The following PXDNL variants were observed in gnomAD, a reference collection of about 807,000 sequenced individuals.
PXDNL encodes the protein probable oxidoreductase PXDNL.
In PXDNL, 145 loss-of-function variants were observed where a neutral mutation model predicts 150.8. That is an observed-to-expected ratio of 0.96 (90% CI 0.84 to 1.10). The LOEUF is 1.10. Among genes scored for constraint, PXDNL ranks in the 50% least tolerant of loss-of-function variants. The probability of loss-of-function intolerance (pLI) is 0.00; values close to 1 mark genes in which losing one functional copy is unlikely to be tolerated. For missense variants in PXDNL, 2,087 were observed against 1,873.9 expected (o/e 1.11, Z -2.10); for synonymous variants, 757 against 725.7 (o/e 1.04, Z -0.69).
chr8:51,672,899 T>C (rs1815529489), intron 1 of PXDNL, among the ~76,000 whole-genome samples: 1 of 152,066 alleles, frequency 6.6e-6, no homozygotes, highest in African/African-American at 2.4e-5. Flanking sequence ...TAAGAAAATA[T>C]ATTCCTGATT....
intron 1 of PXDNL, among the ~76,000 whole-genome samples, chr8:51,702,768 T>A (rs1336554259): frequency 6.6e-6 from 1 of 152,150 alleles, no homozygotes; most frequent in African/African-American, 2.4e-5. Flanking sequence ...ACTTAGAGCA[T>A]CAGAATTTGG....
At chr8:51,490,235 T>C (rs1214804498) in intron 5 of PXDNL, among the ~76,000 whole-genome samples, 1 of 152,182 alleles carries the variant, frequency 6.6e-6, no homozygotes, top group Non-Finnish European at 1.5e-5. Context: ...ACAATTATTT[T>C]TGAAGTGGCC....
At chr8:51,430,485 A>C (rs899948743) in intron 12 of PXDNL, among the ~76,000 whole-genome samples, 3 of 152,190 alleles carry the variant, frequency 2.0e-5, no homozygotes, top group African/African-American at 7.2e-5. Context: ...AGACCTTCAG[A>C]GCTTACCTGA....
intron 1 of PXDNL, among the ~76,000 whole-genome samples, chr8:51,746,694 G>A (rs2036987801): frequency 6.6e-6 from 1 of 152,132 alleles, no homozygotes; most frequent in Admixed American, 6.5e-5. Context: ...TCTATTTGTT[G>A]CTTCTTGTGG....
At chr8:51,797,370 G>C (rs931929759) in intron 1 of PXDNL, among the ~76,000 whole-genome samples, 1 of 152,194 alleles carries the variant, frequency 6.6e-6, no homozygotes, top group Non-Finnish European at 1.5e-5. Context: ...AACTGGAAAA[G>C]AGGAAGTCAA....
intron 17 of PXDNL, among the ~76,000 whole-genome samples, chr8:51,406,527 AC>A (rs1465109505): frequency 2.4e-4 from 36 of 152,032 alleles, no homozygotes; most frequent in Admixed American, 2.3e-3. Context: ...CCTCTTTAAA[AC>A]CCGTCCCCTA....
chr8:51,614,017 G>C (rs1197944260), intron 2 of PXDNL, among the ~76,000 whole-genome samples: 1 of 152,166 alleles, frequency 6.6e-6, no homozygotes, highest in Non-Finnish European at 1.5e-5. Flanking sequence ...TGTCGCATTA[G>C]CCTCCCTCCC....
At chr8:51,736,634 G>A (rs563827421) in intron 1 of PXDNL, among the ~76,000 whole-genome samples, 1 of 152,308 alleles carries the variant, frequency 6.6e-6, no homozygotes, top group South Asian at 2.1e-4. Flanking sequence ...ACCTGAAAGT[G>A]TGTCCCTGGC....
At chr8:51,609,373 T>C (rs1037214502) in intron 2 of PXDNL, among the ~76,000 whole-genome samples, 1 of 152,150 alleles carries the variant, frequency 6.6e-6, no homozygotes, top group Non-Finnish European at 1.5e-5. Flanking sequence ...CCTGGAAATA[T>C]GGGATTGTCC....
intron 4 of PXDNL, among the ~76,000 whole-genome samples, chr8:51,532,018 A>T (rs1811917148): frequency 1.3e-5 from 2 of 152,238 alleles, no homozygotes; most frequent in Admixed American, 1.3e-4. Context: ...AACAGCTTGC[A>T]AATCGTTGTG....
intron 2 of PXDNL, among the ~76,000 whole-genome samples, chr8:51,625,918 A>C (rs114327702): frequency 0.017 from 2,548 of 152,318 alleles, 78 homozygotes; most frequent in African/African-American, 0.059. Context: ...TTTGCCTTCG[A>C]CTATCTTACA....
At chr8:51,707,999 T>A (rs58605516) in intron 1 of PXDNL, among the ~76,000 whole-genome samples, 5,312 of 152,230 alleles carry the variant, frequency 0.035, 294 homozygotes, top group African/African-American at 0.12. Flanking sequence ...GTAGCAAAGG[T>A]CAATAAATAA....
chr8:51,319,903 TG>T lies in PXDNL; in HGVS notation c.4379del (p.Pro1460GlnfsTer62). Reference sequence around the variant, plus strand: ...CACAAAACTTTTATTAGCGCTTCTCTGGGGAATCACTTGGCATTCCTCGGTC... The same window carrying T: ...CACAAAACTTTTATTAGCGCTTCTCTGGGAATCACTTGGCATTCCTCGGTC... The part of the protein sequence containing the change: ...CRDRGMPSDS[P>X]EKR On this transcript the variant is annotated frameshift_variant, in exon 23 of 23. Transcript: ENST00000356297. LOFTEE classifies it high-confidence loss of function. 4 of 1,541,030 alleles carry T rather than the reference TG, an allele frequency of 2.6e-6. No homozygotes were observed. Among genetic ancestry groups the T allele is most frequent in the Non-Finnish European group, 2.6e-6 (3 of 1,146,776 alleles).
At chr8:51,444,242 A>G (rs1238389496) in intron 12 of PXDNL, among the ~76,000 whole-genome samples, 1 of 152,102 alleles carries the variant, frequency 6.6e-6, no homozygotes, top group Admixed American at 6.6e-5. Flanking sequence ...CAGCAGATTT[A>G]CCCACCATGA....
chr8:51,726,261 C>G (rs183268319), intron 1 of PXDNL, among the ~76,000 whole-genome samples: 18 of 152,316 alleles, frequency 1.2e-4, no homozygotes, highest in African/African-American at 4.1e-4. Context: ...CCAGGTAGAG[C>G]GAAGAGCTCT....
At chr8:51,703,607 T>C (rs908466001) in intron 1 of PXDNL, among the ~76,000 whole-genome samples, 1 of 152,160 alleles carries the variant, frequency 6.6e-6, no homozygotes, top group East Asian at 1.9e-4. Flanking sequence ...GTATGCTTGA[T>C]AAAAACACTA....
chr8:51,493,476 C>G (rs1356843738), intron 5 of PXDNL, among the ~76,000 whole-genome samples: 1 of 152,190 alleles, frequency 6.6e-6, no homozygotes, highest in East Asian at 1.9e-4. Context: ...GATGATCAAA[C>G]TACTCCGAGC....
At chr8:51,741,585 A>G (rs1027944193) in intron 1 of PXDNL, among the ~76,000 whole-genome samples, 1 of 152,250 alleles carries the variant, frequency 6.6e-6, no homozygotes, top group Non-Finnish European at 1.5e-5. Flanking sequence ...AGAAATGTTA[A>G]GGATTACTAC....
intron 3 of PXDNL, among the ~76,000 whole-genome samples, chr8:51,576,382 G>GAATATCTAAAC (rs1813054950): frequency 6.6e-6 from 1 of 151,528 alleles, no homozygotes; most frequent in Non-Finnish European, 1.5e-5. Context: ...GATAACAGGA[G>GAATATCTAAAC]AATATCTAAA....
Sources: gnomAD v4.1 joint callset for allele counts (sites outside exome capture counted in the v4.1 genomes callset) on GRCh38, gnomAD v4.1.1 for gene constraint, MANE v1.5 for transcripts, NCBI Gene and HGNC (gene_info 2026-07-23, HGNC 2026-07-21) for gene names.